The following PSD2 variants were observed in gnomAD, a reference collection of about 807,000 sequenced individuals.
PSD2 encodes pleckstrin and Sec7 domain containing 2.
A neutral mutation model predicts 69.8 loss-of-function variants in PSD2; 38 were observed. The observed-to-expected ratio is 0.54, with a 90% confidence interval of 0.42 to 0.71. The LOEUF (loss-of-function observed/expected upper bound fraction) is 0.71. Ranked by LOEUF, PSD2 falls within the 30% of genes least tolerant of loss-of-function variation. PSD2 has a pLI of 0.00. For synonymous variants in PSD2, 412 were observed against 423.0 expected (o/e 0.97, Z 0.32); for missense variants, 943 against 1,014.5 (o/e 0.93, Z 0.96).
chr5:139,781,979 A>T, the PSD2 span, among the ~76,000 whole-genome samples: 2 of 152,192 alleles, frequency 1.3e-5, no homozygotes, highest in Non-Finnish European at 2.9e-5. Context: ...AGCATTTCAT[A>T]TCATAATTGC....
chr5:139,776,732 G>A, the PSD2 span, among the ~76,000 whole-genome samples: 1 of 150,520 alleles, frequency 6.6e-6, no homozygotes, highest in Non-Finnish European at 1.5e-5. Flanking sequence ...GCAGTGGCAT[G>A]ATCAAGGCTC....
the PSD2 span, among the ~76,000 whole-genome samples, chr5:139,782,769 A>G: frequency 2.1e-4 from 32 of 152,182 alleles, no homozygotes; most frequent in African/African-American, 7.5e-4. Flanking sequence ...CTGGGATTAC[A>G]GGCATGAGCC....
At chr5:139,827,624 T>A (rs1760460311) in intron 7 of PSD2, among the ~76,000 whole-genome samples, 1 of 152,176 alleles carries the variant, frequency 6.6e-6, no homozygotes, top group African/African-American at 2.4e-5. Context: ...GGGTAATTTG[T>A]AAAGGAAAGA....
At chr5:139,758,042 AAAAAC>A in the PSD2 span, among the ~76,000 whole-genome samples, 2 of 152,188 alleles carry the variant, frequency 1.3e-5, no homozygotes, top group Admixed American at 6.5e-5. Context: ...ACCCTATTTC[AAAAAC>A]AAAACGAAAC....
the PSD2 span, among the ~76,000 whole-genome samples, chr5:139,769,461 C>G: frequency 6.6e-6 from 1 of 152,172 alleles, no homozygotes; most frequent in Admixed American, 6.5e-5. Flanking sequence ...TCTCTCCCAG[C>G]TCCTCTGTGG....
In PSD2 at chr5:139,814,474, C is replaced by T. The variant is rs1399915407; in HGVS notation, c.1016+110C>T. 2 of 929,250 alleles carry T rather than the reference C, an allele frequency of 2.2e-6. No homozygotes were observed. Among genetic ancestry groups the T allele is most frequent in the East Asian group, 3.0e-5 (1 of 33,136 alleles). The allele number at this position is 929,250 out of a possible 1,614,324, so 57.6% of individuals were successfully genotyped here. ...GGGTGCCAGGTGCTGGGGGGGCACT[C>T]CCAACAGTTCCCCAAGGACACCTCC... is the stretch of plus-strand genomic sequence containing the variant. On this transcript the variant is annotated intron_variant, in intron 4 of 14. Coordinates refer to ENST00000274710, the MANE Select transcript of PSD2 (RefSeq NM_032289.4). The surrounding 1 kb of genome is among the most constrained non-coding windows in gnomAD (Gnocchi z 4.4).
intron 2 of PSD2, among the ~76,000 whole-genome samples, chr5:139,810,653 T>C (rs79001892): frequency 0.02 from 2,990 of 152,192 alleles, 117 homozygotes; most frequent in African/African-American, 0.068. Flanking sequence ...TTTGGGCACA[T>C]GTTCGTGTTA....
intron 1 of PSD2, among the ~76,000 whole-genome samples, chr5:139,808,430 C>T (rs1046248913): frequency 1.3e-5 from 2 of 152,186 alleles, no homozygotes; most frequent in African/African-American, 4.8e-5. Context: ...TGGGTCTCCT[C>T]ATTTTACAGA....
chr5:139,812,081 G>A (rs1020983430), intron 2 of PSD2, among the ~76,000 whole-genome samples: 3 of 152,224 alleles, frequency 2.0e-5, no homozygotes, highest in African/African-American at 4.8e-5. Context: ...ATCTATGTGC[G>A]ATGCTCTCTT....
chr5:139,752,032 ATCT>A, the PSD2 span, among the ~76,000 whole-genome samples: 5 of 151,986 alleles, frequency 3.3e-5, no homozygotes, highest in Admixed American at 3.3e-4. Flanking sequence ...ACCTCAGGTA[ATCT>A]TCTCACCTTA....
the PSD2 span, among the ~76,000 whole-genome samples, chr5:139,749,040 GTCTCCCCCT>G: frequency 3.3e-5 from 5 of 152,218 alleles, no homozygotes; most frequent in South Asian, 1.0e-3. Context: ...TTAGCATCCA[GTCTCCCCCT>G]TCGTCTCCCC....
chr5:139,822,038 C>A (rs1760276348), intron 6 of PSD2, 33 bp downstream of exon 6: 2 of 1,409,218 alleles, frequency 1.4e-6, no homozygotes, highest in African/African-American at 1.4e-5. Flanking sequence ...CCTGACCCTC[C>A]CCACCCACTC....
chr5:139,756,241 T>G, the PSD2 span, among the ~76,000 whole-genome samples: 1 of 152,134 alleles, frequency 6.6e-6, no homozygotes, highest in Non-Finnish European at 1.5e-5. Context: ...CCCCCTTTCA[T>G]GTCTGCCGCG....
At chr5:139,783,943 C>CTTTT in the PSD2 span, among the ~76,000 whole-genome samples, 999 of 87,866 alleles carry the variant, frequency 0.011, 72 homozygotes, top group Non-Finnish European at 0.017. Flanking sequence ...TCTGCTAGCT[C>CTTTT]TTTTTTTTTT....
At position 139,844,065 on chromosome 5, in the gene PSD2, C is replaced by T. The variant is rs1297179780; in HGVS notation, c.*1591C>T. 1 of 152,214 alleles carries T rather than the reference C, an allele frequency of 6.6e-6. No homozygotes were observed. Among genetic ancestry groups the T allele is most frequent in the East Asian group, 1.9e-4 (1 of 5,202 alleles). The allele number at this position is 152,214 out of a possible 1,614,324, so 9.4% of individuals were successfully genotyped here. ...AGCTGAAGTGTGTTTTAGACCCAAA[C>T]CATCTGGCCCCTTCGTTTTGCTCAG... On this transcript the variant is annotated 3_prime_UTR_variant, in exon 15 of 15. Transcript: ENST00000274710.
chr5:139,788,183 C>G, the PSD2 span, among the ~76,000 whole-genome samples: 2 of 151,756 alleles, frequency 1.3e-5, no homozygotes, highest in Non-Finnish European at 2.9e-5. Context: ...CCCCGCGCCC[C>G]CCCCCGAACC....
At chr5:139,768,502 C>T in the PSD2 span, among the ~76,000 whole-genome samples, 3 of 152,068 alleles carry the variant, frequency 2.0e-5, no homozygotes, top group African/African-American at 4.8e-5. Context: ...GTGGGTGGAT[C>T]GCCTGAGGAA....
chr5:139,820,918 C>T (rs932894859), intron 5 of PSD2, among the ~76,000 whole-genome samples: 1 of 148,626 alleles, frequency 6.7e-6, no homozygotes, highest in Non-Finnish European at 1.5e-5. Context: ...TCTGAGGGTG[C>T]CAAGGGGCCA....
At chr5:139,771,759 C>T in the PSD2 span, among the ~76,000 whole-genome samples, 3 of 152,110 alleles carry the variant, frequency 2.0e-5, no homozygotes, top group Non-Finnish European at 2.9e-5. Context: ...CCCTGGTGTG[C>T]CACAGGCTAT....
Sources: allele counts gnomAD v4.1 joint callset (sites outside exome capture counted in the v4.1 genomes callset), GRCh38; gene constraint gnomAD v4.1.1; non-coding constraint Gnocchi (gnomAD v3.1); transcripts MANE v1.5; gene names NCBI Gene and HGNC (gene_info 2026-07-23, HGNC 2026-07-21).